CALN1: variants seen among roughly 807,000 people sequenced by gnomAD.
CALN1 encodes the protein calneuron 1.
A neutral mutation model predicts 30.6 loss-of-function variants in CALN1; 17 were observed. That is an observed-to-expected ratio of 0.56 (90% CI 0.38 to 0.83). The LOEUF (loss-of-function observed/expected upper bound fraction) is 0.83, where lower values mean the gene tolerates loss of function less well. CALN1 is among the 40% of genes least tolerant of loss of function. The pLI, the probability that CALN1 is intolerant of heterozygous loss-of-function variation, is 0.00. For synonymous variants in CALN1, 156 were observed against 131.4 expected (o/e 1.19, Z -1.28); for missense variants, 291 against 354.9 (o/e 0.82, Z 1.45).
chr7:72,133,254 C>G (rs1809282489), intron 3 of CALN1, among the ~76,000 whole-genome samples: 2 of 152,120 alleles, frequency 1.3e-5, no homozygotes, highest in Admixed American at 1.3e-4. Context: ...AGTGGAAATA[C>G]AGAGTCATGT....
At chr7:72,396,660 A>AT (rs1300857488) in intron 2 of CALN1, among the ~76,000 whole-genome samples, 2 of 152,152 alleles carry the variant, frequency 1.3e-5, no homozygotes, top group Non-Finnish European at 2.9e-5. Flanking sequence ...ACAGAGCTGA[A>AT]TGTAGAAAAG....
chr7:72,106,510 A>G (rs1269498332), intron 3 of CALN1, among the ~76,000 whole-genome samples: 1 of 150,354 alleles, frequency 6.7e-6, no homozygotes, highest in Non-Finnish European at 1.5e-5. Flanking sequence ...AAGGGAGAGG[A>G]GGAGAAGGGA....
At chr7:72,088,953 G>C (rs766109733) in intron 4 of CALN1, among the ~76,000 whole-genome samples, 3 of 151,904 alleles carry the variant, frequency 2.0e-5, no homozygotes, top group Non-Finnish European at 4.4e-5. Context: ...AATGAAATTT[G>C]GGAAACTTTA....
intron 1 of CALN1, among the ~76,000 whole-genome samples, chr7:72,406,477 G>A (rs570703617): frequency 1.3e-5 from 2 of 152,238 alleles, no homozygotes; most frequent in South Asian, 4.1e-4. Context: ...TCCAGAATTT[G>A]TCCTCTAAAG....
chr7:72,322,631 TAG>T (rs1800965026), intron 2 of CALN1, among the ~76,000 whole-genome samples: 1 of 151,708 alleles, frequency 6.6e-6, no homozygotes, highest in Non-Finnish European at 1.5e-5. Context: ...CTCATAGAGA[TAG>T]AGAGTAGAAG....
chr7:72,122,632 G>A (rs1808476233), intron 3 of CALN1, among the ~76,000 whole-genome samples: 1 of 152,096 alleles, frequency 6.6e-6, no homozygotes, highest in Non-Finnish European at 1.5e-5. Context: ...AGACTGAGGT[G>A]GGGGGATCAC....
Position 72,205,079 on chromosome 7 carries a change from A to G in CALN1, c.244+73607T>C, listed in dbSNP as rs574011095. ...ATTGACATTTTGTTGCTTTATTTTCAATTTCTATTACTAAAAGTTGGGGAT... is the reference window on the plus strand; with the variant it reads ...ATTGACATTTTGTTGCTTTATTTTCGATTTCTATTACTAAAAGTTGGGGAT... On this transcript the variant is annotated intron_variant, in intron 3 of 6. Coordinates refer to ENST00000395275, the MANE Select transcript of CALN1 (RefSeq NM_031468.4). 7.9e-5 allele frequency among the ~76,000 whole-genome samples: 12 copies of G among 152,234 alleles called. No individual in the cohort carries two copies. The East Asian group carries it at 2.3e-3, about 29-fold the overall frequency.
At chr7:71,994,052 G>A (rs1799107673) in intron 5 of CALN1, among the ~76,000 whole-genome samples, 1 of 151,488 alleles carries the variant, frequency 6.6e-6, no homozygotes, top group South Asian at 2.1e-4. Flanking sequence ...GATCTGCAAA[G>A]GCCTAGAAAA....
chr7:72,193,890 G>A (rs184870849), intron 3 of CALN1, among the ~76,000 whole-genome samples: 229 of 152,086 alleles, frequency 1.5e-3, no homozygotes, highest in Non-Finnish European at 2.7e-3. Context: ...CTTCTCACTC[G>A]TAAGTGAAAG....
At chr7:72,105,929 C>A (rs1419690138) in intron 4 of CALN1, among the ~76,000 whole-genome samples, 1 of 151,898 alleles carries the variant, frequency 6.6e-6, no homozygotes, top group Non-Finnish European at 1.5e-5. Flanking sequence ...ACCAGCCAGG[C>A]CTCTTTCCTC....
intron 5 of CALN1, among the ~76,000 whole-genome samples, chr7:71,961,686 T>C (rs1797255393): frequency 6.6e-6 from 1 of 152,206 alleles, no homozygotes; most frequent in South Asian, 2.1e-4. Context: ...CCTTGGAAAC[T>C]GATCTCTGTA....
At chr7:71,842,587 C>T (rs1382992052) in intron 5 of CALN1, among the ~76,000 whole-genome samples, 1 of 152,168 alleles carries the variant, frequency 6.6e-6, no homozygotes, top group Non-Finnish European at 1.5e-5. Context: ...TGGAATCCAG[C>T]CAGAGAAATA....
intron 5 of CALN1, among the ~76,000 whole-genome samples, chr7:71,882,832 C>T (rs1410305330): frequency 6.7e-6 from 1 of 149,822 alleles, no homozygotes. Context: ...TATGGGCATG[C>T]CACCATGCCC....
At chr7:72,404,569 G>A (rs555132649) in intron 1 of CALN1, among the ~76,000 whole-genome samples, 9 of 152,300 alleles carry the variant, frequency 5.9e-5, no homozygotes, top group East Asian at 1.9e-4. Flanking sequence ...ACACATTGCA[G>A]CAGGCAATGG....
intron 2 of CALN1, among the ~76,000 whole-genome samples, chr7:72,318,010 T>C (rs1235354949): frequency 6.6e-6 from 1 of 152,146 alleles, no homozygotes; most frequent in Non-Finnish European, 1.5e-5. Context: ...GGGACCTGAG[T>C]GTTATTTCTG....
intron 4 of CALN1, among the ~76,000 whole-genome samples, chr7:72,030,669 C>T (rs549467602): frequency 5.3e-5 from 8 of 152,142 alleles, no homozygotes; most frequent in Admixed American, 1.3e-4. Flanking sequence ...GTCCAGGAAA[C>T]CTGATAATCA....
intron 3 of CALN1, among the ~76,000 whole-genome samples, chr7:72,252,945 A>C (rs984910266): frequency 6.6e-6 from 1 of 152,196 alleles, no homozygotes; most frequent in African/African-American, 2.4e-5. Context: ...AAATCAATGA[A>C]TATTATGCCT....
At chr7:71,948,519 C>T (rs1296270822) in intron 5 of CALN1, among the ~76,000 whole-genome samples, 1 of 151,980 alleles carries the variant, frequency 6.6e-6, no homozygotes, top group Non-Finnish European at 1.5e-5. Context: ...CACCTGAGGT[C>T]AGGAATTCCA....
chr7:72,126,470 T>A (rs753280906), intron 3 of CALN1, among the ~76,000 whole-genome samples: 83 of 152,272 alleles, frequency 5.5e-4, no homozygotes, highest in Non-Finnish European at 7.6e-4. Context: ...TACAATGACT[T>A]CTTTTCCTTT....
Sources: allele counts gnomAD v4.1 joint callset (sites outside exome capture counted in the v4.1 genomes callset), GRCh38; gene constraint gnomAD v4.1.1; transcripts MANE v1.5; gene names NCBI Gene and HGNC (gene_info 2026-07-23, HGNC 2026-07-21).